GEMIN6: variants seen among roughly 807,000 people sequenced by gnomAD.
GEMIN6 encodes the protein gem-associated protein 6.
In GEMIN6, 13 loss-of-function variants were observed where a neutral mutation model predicts 14.1. The observed-to-expected ratio is 0.92, with a 90% CI of 0.60 to 1.46. The LOEUF (loss-of-function observed/expected upper bound fraction) is 1.46, where lower values mean the gene tolerates loss of function less well. Ranked by LOEUF, GEMIN6 falls within the 40% of genes most tolerant of loss-of-function variation. The probability of loss-of-function intolerance (pLI) is 0.00; values close to 1 mark genes in which losing one functional copy is unlikely to be tolerated. For missense variants in GEMIN6, 271 were observed against 202.4 expected, an observed-to-expected ratio of 1.34 and a Z score of -2.06; for synonymous variants, 87 against 70.0, an observed-to-expected ratio of 1.24 and a Z score of -1.21.
In GEMIN6 at chr2:38,783,933, C is replaced by T. The variant is rs1015661891; in HGVS notation, c.*2041C>T. 1 of 152,178 alleles carries T rather than the reference C, an allele frequency of 6.6e-6. No homozygotes were observed. Among genetic ancestry groups the T allele is most frequent in the Non-Finnish European group, 1.5e-5 (1 of 68,056 alleles). The allele number at this position is 152,178 out of a possible 1,614,324, so 9.4% of individuals were successfully genotyped here. On this transcript the variant is annotated 3_prime_UTR_variant, in exon 3 of 3. Transcript: ENST00000281950. ...ACAGATTGCTGGACCCTCCTCCCAACAGATTCTGATTCAGTAGTTCTAGTT... is the reference window on the plus strand; with the variant it reads ...ACAGATTGCTGGACCCTCCTCCCAATAGATTCTGATTCAGTAGTTCTAGTT...
At position 38,781,818 on chromosome 2, in the gene GEMIN6, T is replaced by C; in HGVS notation, c.430T>C (p.Cys144Arg). ...TIDPPYGPEN[C>R]SSSNEIILSR... The stretch of plus-strand genomic sequence containing the variant: ...AGACCCACCATATGGTCCAGAAAAT[T>C]GCAGCAGCTCTAATGAGATTATTCT... The change falls in exon 3 of 3, where the codon TGC (cysteine) becomes CGC (arginine). Residue 144 changes from cysteine (C) to arginine (R), a missense_variant. Coordinates refer to ENST00000281950, the MANE Select transcript of GEMIN6 (RefSeq NM_024775.10). 6.2e-7 allele frequency: 1 copy of C among 1,614,162 alleles called. No homozygotes were observed. The highest frequency in any genetic ancestry group is 1.1e-5 in the South Asian group (1 of 91,078).
intron 2 of GEMIN6, 44 bp from the exon 3 acceptor site, chr2:38,781,473 C>A (rs755661752): frequency 6.5e-7 from 1 of 1,542,600 alleles, no homozygotes; most frequent in Admixed American, 2.0e-5. Context: ...TTTTAGTGAC[C>A]TACTTGGGTT....
Position 38,781,697 on chromosome 2 carries a change from G to A in GEMIN6, c.309G>A (p.Lys103=), listed in dbSNP as rs985192248. 1 of 1,614,004 alleles carries A rather than the reference G, an allele frequency of 6.2e-7. No individual in the cohort carries two copies. Among genetic ancestry groups the A allele is most frequent in the African/African-American group, 1.3e-5 (1 of 74,928 alleles). Residue 103 remains lysine (K), a synonymous_variant, in exon 3 of 3, where the codon AAG becomes AAA. Coordinates refer to ENST00000281950, the MANE Select transcript of GEMIN6 (RefSeq NM_024775.10). ...AYSPEDLEER[K]NSLKKWLEKN... ...GCCCAGAGGATCTGGAAGAGAGAAA[G>A]AACAGCCTAAAGAAATGGCTTGAGA...
chr2:38,779,658 ATATATATTTTT>A (rs1319828198), intron 2 of GEMIN6, among the ~76,000 whole-genome samples: 1 of 29,572 alleles, frequency 3.4e-5, no homozygotes, highest in East Asian at 9.3e-4. Flanking sequence ...ATATATATAT[ATATATATTTTT>A]TTTTTTTTTT....
chr2:38,779,299 C>T (rs573557851), intron 2 of GEMIN6, 181 bp downstream of exon 2: 19 of 629,560 alleles, frequency 3.0e-5, no homozygotes, highest in South Asian at 1.5e-4. Context: ...GGCGAGATCT[C>T]GGCTCTTTGT....
chr2:38,779,296 T>C (rs765125784), intron 2 of GEMIN6, 178 bp downstream of exon 2: 5 of 641,788 alleles, frequency 7.8e-6, no homozygotes, highest in South Asian at 1.6e-5. Flanking sequence ...AGTGGCGAGA[T>C]CTCGGCTCTT....
chr2:38,778,963 T>C lies in GEMIN6; in HGVS notation c.-19-9T>C. 1 of 1,602,214 alleles carries C rather than the reference T, an allele frequency of 6.2e-7. No individual in the cohort carries two copies. Among genetic ancestry groups the C allele is most frequent in the Non-Finnish European group, 8.5e-7 (1 of 1,174,470 alleles). On this transcript the variant is annotated splice_polypyrimidine_tract_variant and intron_variant, in intron 1 of 2. Coordinates refer to ENST00000281950, the MANE Select transcript of GEMIN6 (RefSeq NM_024775.10). ...AACATATATTAACCAGCACTGGTGG[T>C]TGTTTCAGATTTAGCCAGGTGGCAA...
intron 2 of GEMIN6, among the ~76,000 whole-genome samples, chr2:38,780,836 C>T (rs1669066060): frequency 6.6e-6 from 1 of 152,050 alleles, no homozygotes; most frequent in Non-Finnish European, 1.5e-5. Context: ...ACCATGTTGG[C>T]CAGGCTGGCC....
At chr2:38,779,645 TA>T (rs1669030737) in intron 2 of GEMIN6, among the ~76,000 whole-genome samples, 1 of 28,424 alleles carries the variant, frequency 3.5e-5, no homozygotes, top group South Asian at 1.2e-3. Flanking sequence ...ACTATATATA[TA>T]TATATATATA....
Position 38,779,100 on chromosome 2 carries a change from C to G in GEMIN6, c.110C>G (p.Thr37Arg). 6.2e-7 allele frequency: 1 copy of G among 1,612,854 alleles called. No homozygotes were observed. Among genetic ancestry groups the G allele is most frequent in the East Asian group, 2.2e-5 (1 of 44,806 alleles). ...GAGTATAAAGGATGGGTTTTAACTA[C>G]AGACCCAGTCTCTGCCAAGTGAGTA... ...KNEYKGWVLT[T>R]DPVSANIVLV... Residue 37 changes from threonine to arginine, a missense_variant, in exon 2 of 3, where the codon ACA becomes AGA. Transcript: ENST00000281950.
At position 38,781,969 on chromosome 2, in the gene GEMIN6, A is replaced by G; in HGVS notation, c.*77A>G. ...CATAAAATGTTTTAAATGTAAATGT[A>G]CATGACTGTGTGTGTGTATGTGTGT... On this transcript the variant is annotated 3_prime_UTR_variant, in exon 3 of 3. Coordinates refer to ENST00000281950, the MANE Select transcript of GEMIN6 (RefSeq NM_024775.10). The G allele has an allele frequency of 1.5e-6, 2 of 1,371,028 alleles. No homozygotes were observed. The highest frequency in any genetic ancestry group is 2.8e-5 in the South Asian group (2 of 71,934). The allele number at this position is 1,371,028 out of a possible 1,614,324, so 84.9% of individuals were successfully genotyped here. A position where few individuals can be genotyped will look rare whatever the true frequency, so the allele number is the denominator to read the frequency against.
rs971313819 is a variant in GEMIN6, at chr2:38,780,233, T to C, written c.128+1115T>C. Among the ~76,000 whole-genome samples, 3 of 149,842 alleles carry C rather than the reference T, an allele frequency of 2.0e-5. No individual in the cohort carries two copies. In the South Asian group the frequency reaches 6.4e-4, roughly 32 times the overall value. The stretch of plus-strand genomic sequence containing the variant: ...TACTCAGGAGGCTGGGGCAGGAGAA[T>C]GGCGTGAAGCTGGGAGGCAGAGCTT... On this transcript the variant is annotated intron_variant, in intron 2 of 2. Transcript: ENST00000281950.
Position 38,782,817 on chromosome 2 carries a change from T to C in GEMIN6, c.*925T>C, listed in dbSNP as rs2148514598. On this transcript the variant is annotated 3_prime_UTR_variant, in exon 3 of 3. Transcript: ENST00000281950. ...GTCTCAAAAAAAAAAAAAAAAATTATTGGAACACAGCATTACCTATTGAAT... is the reference window on the plus strand; with the variant it reads ...GTCTCAAAAAAAAAAAAAAAAATTACTGGAACACAGCATTACCTATTGAAT... The C allele has an allele frequency of 6.6e-6, 1 of 151,830 alleles. No individual in the cohort carries two copies. Among genetic ancestry groups the C allele is most frequent in the East Asian group, 1.9e-4 (1 of 5,156 alleles). The allele number at this position is 151,830 out of a possible 1,614,324, so 9.4% of individuals were successfully genotyped here.
intron 2 of GEMIN6, 54 bp downstream of exon 2, chr2:38,779,172 A>G: frequency 6.5e-7 from 1 of 1,528,514 alleles, no homozygotes; most frequent in Admixed American, 1.9e-5. Flanking sequence ...TGCTGCCTGT[A>G]TGTTATAGAC....
chr2:38,784,272 G>A lies in GEMIN6; in HGVS notation c.*2380G>A, dbSNP rs1269727793. On this transcript the variant is annotated 3_prime_UTR_variant, in exon 3 of 3. Coordinates refer to ENST00000281950, the MANE Select transcript of GEMIN6 (RefSeq NM_024775.10). ...AAGGAAGAAGCCAGCTGGGCGCGGT[G>A]GCTCACGCCTGTAATCCCAGCACTT... 2.6e-5 allele frequency: 4 copies of A among 152,336 alleles called. No homozygotes were observed. The highest frequency in any genetic ancestry group is 9.7e-5 in the African/African-American group (4 of 41,408). The allele number at this position is 152,336 out of a possible 1,614,324, so 9.4% of individuals were successfully genotyped here.
chr2:38,778,921 G>C lies in GEMIN6; in HGVS notation c.-19-51G>C, dbSNP rs1349346177. 5 of 1,494,734 alleles carry C rather than the reference G, an allele frequency of 3.3e-6. No individual in the cohort carries two copies. In the African/African-American group the frequency reaches 7.0e-5, roughly 21 times the overall value. The allele number at this position is 1,494,734 out of a possible 1,614,324, so 92.6% of individuals were successfully genotyped here. On this transcript the variant is annotated intron_variant, in intron 1 of 2. Coordinates refer to ENST00000281950, the MANE Select transcript of GEMIN6 (RefSeq NM_024775.10). ...AGGATAGGATGGAGATTAGGGATAA[G>C]ACATTTGCTTACGTGGAACATATAT...
rs1669165758 is a variant in GEMIN6, at chr2:38,784,696, T to A, written c.*2804T>A. The A allele has an allele frequency of 6.6e-6, 1 of 152,098 alleles. No homozygotes were observed. The highest frequency in any genetic ancestry group is 1.5e-5 in the Non-Finnish European group (1 of 68,042). 9.4% of individuals were successfully genotyped at this position (152,098 alleles called of 1,614,324 possible). ...CTGGCAACTGAGTCCTCTGATTGTG[T>A]AAACAATTTGCCTGCAAACAAAACC... On this transcript the variant is annotated 3_prime_UTR_variant, in exon 3 of 3. Coordinates refer to ENST00000281950, the MANE Select transcript of GEMIN6 (RefSeq NM_024775.10).
chr2:38,781,942 C>A lies in GEMIN6; in HGVS notation c.*50C>A. ...GATAGAAAAAGACTATATTTTATCC[C>A]TCATAAAATGTTTTAAATGTAAATG... On this transcript the variant is annotated 3_prime_UTR_variant, in exon 3 of 3. Coordinates refer to ENST00000281950, the MANE Select transcript of GEMIN6 (RefSeq NM_024775.10). 6.7e-7 allele frequency: 1 copy of A among 1,489,812 alleles called. No individual in the cohort carries two copies. Among genetic ancestry groups the A allele is most frequent in the Non-Finnish European group, 9.1e-7 (1 of 1,103,176 alleles). The allele number at this position is 1,489,812 out of a possible 1,614,324, so 92.3% of individuals were successfully genotyped here. A position where few individuals can be genotyped will look rare whatever the true frequency, so the allele number is the denominator to read the frequency against.
At chr2:38,779,665 T>TATATATATA (rs1491245074) in intron 2 of GEMIN6, among the ~76,000 whole-genome samples, 15 of 14,210 alleles carry the variant, frequency 1.1e-3, no homozygotes, top group Admixed American at 2.5e-3. Context: ...TATATATATA[T>TATATATATA]TTTTTTTTTT....
Sources: gnomAD v4.1 joint callset for allele counts (sites outside exome capture counted in the v4.1 genomes callset) on GRCh38, gnomAD v4.1.1 for gene constraint, MANE v1.5 for transcripts, NCBI Gene and HGNC (gene_info 2026-07-23, HGNC 2026-07-21) for gene names.